The following OGFOD3 variants were observed in gnomAD, a reference collection of about 807,000 sequenced individuals.
OGFOD3 encodes 2-oxoglutarate and iron dependent oxygenase domain containing 3, also known as 2-oxoglutarate and iron-dependent oxygenase domain-containing protein 3.
Under a neutral mutation model 39.8 loss-of-function variants are expected in OGFOD3, and 35 were observed. The ratio of observed to expected loss-of-function variants is 0.88; its 90% CI spans 0.67 to 1.17. OGFOD3 has a LOEUF of 1.17. Ranked by LOEUF, OGFOD3 falls within the 50% of genes most tolerant of loss-of-function variation. The pLI is 0.00. For missense variants in OGFOD3, 438 were observed against 454.5 expected (o/e 0.96, Z 0.33); for synonymous variants, 200 against 192.0 (o/e 1.04, Z -0.34).
In OGFOD3 at chr17:82,418,489, A is replaced by G; in HGVS notation, c.-4T>C. On this transcript the variant is annotated 5_prime_UTR_variant, in exon 1 of 9. Coordinates refer to ENST00000313056, the MANE Select transcript of OGFOD3 (RefSeq NM_024648.3). ...CGGCCCTCCGCTGAGGAGCCATCGG[A>G]CCAGGCCGCCGCGGAGCCGGGCCGG... 1 of 1,408,474 alleles carries G rather than the reference A, an allele frequency of 7.1e-7. No homozygotes were observed. Among genetic ancestry groups the G allele is most frequent in the South Asian group, 1.4e-5 (1 of 69,496 alleles). 87.2% of individuals were successfully genotyped at this position (1,408,474 alleles called of 1,614,324 possible). A position where few individuals can be genotyped will look rare whatever the true frequency, so the allele number is the denominator to read the frequency against.
At chr17:82,394,245 C>A in intron 8 of OGFOD3, 1 of 1,119,674 alleles carries the variant, frequency 8.9e-7, no homozygotes, top group Non-Finnish European at 1.3e-6. Flanking sequence ...CCGTCTTGGC[C>A]TCCCAAAGTG....
In OGFOD3 at chr17:82,403,692, T is replaced by C. The variant is rs545265126; in HGVS notation, c.699+245A>G. Reference sequence around the variant, plus strand: ...GATGCTGCAAAAGACAGCCCTGTGGTAGGTAGCCCCAGGCCACGGGAGAAC... The same window carrying C: ...GATGCTGCAAAAGACAGCCCTGTGGCAGGTAGCCCCAGGCCACGGGAGAAC... On this transcript the variant is annotated intron_variant, in intron 7 of 8. Coordinates refer to ENST00000313056, the MANE Select transcript of OGFOD3 (RefSeq NM_024648.3). 3.6e-4 allele frequency among the ~76,000 whole-genome samples: 55 copies of C among 152,234 alleles called. 1 individual carries two copies. The highest frequency in any genetic ancestry group is 1.3e-3 in the African/African-American group (54 of 41,548).
At position 82,392,339 on chromosome 17, in the gene OGFOD3, C is replaced by G; in HGVS notation, c.*59G>C. Reference sequence around the variant, plus strand: ...GCGGGTGGACGTGGGGGTGGGTGCACGACTGGCGCGGCTGCCTCCACACGG... The same window carrying G: ...GCGGGTGGACGTGGGGGTGGGTGCAGGACTGGCGCGGCTGCCTCCACACGG... On this transcript the variant is annotated 3_prime_UTR_variant, in exon 9 of 9. Coordinates refer to ENST00000313056, the MANE Select transcript of OGFOD3 (RefSeq NM_024648.3). This position sits in a 1 kb window ranked among gnomAD's most constrained non-coding sequence, Gnocchi z 4.2. 6.4e-6 allele frequency: 10 copies of G among 1,567,570 alleles called. No individual in the cohort carries two copies. The highest frequency in any genetic ancestry group is 3.5e-5 in the South Asian group (3 of 85,070).
intron 1 of OGFOD3, chr17:82,417,159 G>A (rs2053070525): frequency 1.3e-5 from 2 of 152,162 alleles, no homozygotes; most frequent in African/African-American, 4.8e-5. Context: ...GAGAGATTTG[G>A]TTTTGGGAGA....
rs1395771082 is a variant in OGFOD3 at position 82,415,539 on chromosome 17, G to C, written c.163C>G (p.Leu55Val). 6.2e-7 allele frequency: 1 copy of C among 1,613,440 alleles called. No individual in the cohort carries two copies. The highest frequency in any genetic ancestry group is 1.1e-5 in the South Asian group (1 of 91,076). ...CTGCTCCAGAGCAGGAGTGCGGTGAGCACAAAGCCAGCCCCCAGGCCCGCG... is the reference window on the plus strand; with the variant it reads ...CTGCTCCAGAGCAGGAGTGCGGTGACCACAAAGCCAGCCCCCAGGCCCGCG... The part of the protein sequence containing the change: ...RTAGLGAGFV[L>V]TALLLWSSLG... The change falls in exon 2 of 9, where the codon CTC becomes GTC. Residue 55 changes from leucine (L) to valine (V), a missense_variant. Transcript: ENST00000313056. The surrounding 1 kb of genome is among the most constrained non-coding windows in gnomAD (Gnocchi z 5.3).
At position 82,392,365 on chromosome 17, in the gene OGFOD3, G is replaced by A. The variant is rs369035012; in HGVS notation, c.*33C>T. The A allele has an allele frequency of 3.8e-6, 6 of 1,598,750 alleles. No individual in the cohort carries two copies. Among genetic ancestry groups the A allele is most frequent in the Non-Finnish European group, 5.1e-6 (6 of 1,174,302 alleles). On this transcript the variant is annotated 3_prime_UTR_variant, in exon 9 of 9. Coordinates refer to ENST00000313056, the MANE Select transcript of OGFOD3 (RefSeq NM_024648.3). This position sits in a 1 kb window ranked among gnomAD's most constrained non-coding sequence, Gnocchi z 4.2. ...GACTGGCGCGGCTGCCTCCACACGG[G>A]CCCTCCTGAAGTTACCTTGGCCCGG...
chr17:82,412,129 C>T (rs1344590251), intron 2 of OGFOD3, among the ~76,000 whole-genome samples: 3 of 151,456 alleles, frequency 2.0e-5, no homozygotes, highest in African/African-American at 7.3e-5. Context: ...CTCCTGAGAC[C>T]ACCAGAGTGG....
chr17:82,395,991 A>G lies in OGFOD3; in HGVS notation c.823+2205T>C, dbSNP rs368944882. Among the ~76,000 whole-genome samples the G allele has an allele frequency of 1.1e-4, 17 of 152,334 alleles. No individual in the cohort carries two copies. In the East Asian group the frequency reaches 2.7e-3, roughly 24 times the overall value. On this transcript the variant is annotated intron_variant, in intron 8 of 8. Coordinates refer to ENST00000313056, the MANE Select transcript of OGFOD3 (RefSeq NM_024648.3). ...AGACAGATGTATGACATCAAATCAC[A>G]GGTAAACACATAGATACACACAATT...
intron 8 of OGFOD3, among the ~76,000 whole-genome samples, chr17:82,394,143 C>T (rs958285910): frequency 1.3e-5 from 2 of 152,036 alleles, no homozygotes; most frequent in South Asian, 2.1e-4. Context: ...GCGCCCGCCA[C>T]CACGCCCAGC....
At position 82,406,794 on chromosome 17, in the gene OGFOD3, G is replaced by A. The variant is rs566865152; in HGVS notation, c.424-312C>T. 2.0e-5 allele frequency among the ~76,000 whole-genome samples: 3 copies of A among 152,102 alleles called. No individual in the cohort carries two copies. The highest frequency in any genetic ancestry group is 2.9e-5 in the Non-Finnish European group (2 of 68,024). The stretch of plus-strand genomic sequence containing the variant: ...TTTTTCTATTTTTTGTAGAGATGTG[G>A]TCTCACTATATTACCTAGGCTGGTC... On this transcript the variant is annotated intron_variant, in intron 4 of 8. Transcript: ENST00000313056. This position sits in a 1 kb window ranked among gnomAD's most constrained non-coding sequence, Gnocchi z 5.2.
At chr17:82,411,413 G>A (rs756003818) in intron 3 of OGFOD3, 42 bp downstream of exon 3, 1 of 1,567,098 alleles carries the variant, frequency 6.4e-7, no homozygotes, top group Admixed American at 1.7e-5. Flanking sequence ...CACTCCGCGT[G>A]TGTTTGTTTG....
intron 8 of OGFOD3, chr17:82,393,244 T>C (rs1482927843): frequency 6.6e-6 from 1 of 152,256 alleles, no homozygotes; most frequent in African/African-American, 2.4e-5. Context: ...GCAAGGGGCG[T>C]TGAGACTCAG....
chr17:82,413,699 C>T (rs1347368231), intron 2 of OGFOD3, among the ~76,000 whole-genome samples: 4 of 151,966 alleles, frequency 2.6e-5, no homozygotes, highest in South Asian at 2.1e-4. Context: ...GGCAAAACAC[C>T]GTCTCTACTA....
At chr17:82,395,074 GA>G (rs1429414721) in intron 8 of OGFOD3, among the ~76,000 whole-genome samples, 1 of 152,150 alleles carries the variant, frequency 6.6e-6, no homozygotes, top group Non-Finnish European at 1.5e-5. Context: ...TCTCAGGCTG[GA>G]ATGCAGTATG....
chr17:82,415,512 A>G lies in OGFOD3; in HGVS notation c.190T>C (p.Leu64=), dbSNP rs372876514. 4 of 1,613,492 alleles carry G rather than the reference A, an allele frequency of 2.5e-6. No homozygotes were observed. Among genetic ancestry groups the G allele is most frequent in the Non-Finnish European group, 3.4e-6 (4 of 1,179,938 alleles). ...VLTALLLWSS[L]GADDGVAEVL... ...TCTGCGACCCCGTCGTCGGCCCCCA[A>G]GCTGCTCCAGAGCAGGAGTGCGGTG... The change falls in exon 2 of 9, where the codon TTG becomes CTG. Residue 64 remains leucine, a synonymous_variant. Coordinates refer to ENST00000313056, the MANE Select transcript of OGFOD3 (RefSeq NM_024648.3). This position sits in a 1 kb window ranked among gnomAD's most constrained non-coding sequence, Gnocchi z 5.3.
chr17:82,415,377 A>G lies in OGFOD3; in HGVS notation c.304+21T>C. Reference sequence around the variant, plus strand: ...TTAACCACACTGAGTCTCATTTTAAAGTGTTGCTTTCCTGAACTACCTTCG... The same window carrying G: ...TTAACCACACTGAGTCTCATTTTAAGGTGTTGCTTTCCTGAACTACCTTCG... On this transcript the variant is annotated intron_variant, in intron 2 of 8. Transcript: ENST00000313056. The surrounding 1 kb of genome is among the most constrained non-coding windows in gnomAD (Gnocchi z 5.3). The G allele has an allele frequency of 6.2e-7, 1 of 1,602,124 alleles. No individual in the cohort carries two copies. The highest frequency in any genetic ancestry group is 8.5e-7 in the Non-Finnish European group (1 of 1,170,250).
chr17:82,406,306 C>T lies in OGFOD3; in HGVS notation c.488+112G>A, dbSNP rs777450949. ...AGCCACTGAGGCCCTGAGGCTGCAC[C>T]GAGCCGGATCCTCCCTCACATGTCC... On this transcript the variant is annotated intron_variant, in intron 5 of 8. Coordinates refer to ENST00000313056, the MANE Select transcript of OGFOD3 (RefSeq NM_024648.3). The surrounding 1 kb of genome is among the most constrained non-coding windows in gnomAD (Gnocchi z 5.2). The T allele has an allele frequency of 1.4e-4, 134 of 991,386 alleles. No individual in the cohort carries two copies. Among genetic ancestry groups the T allele is most frequent in the Non-Finnish European group, 1.8e-4 (116 of 636,648 alleles). 61.4% of individuals were successfully genotyped at this position (991,386 alleles called of 1,614,324 possible).
chr17:82,405,477 A>G, intron 5 of OGFOD3, 97 bp from the exon 6 acceptor site: 1 of 1,030,864 alleles, frequency 9.7e-7, no homozygotes, highest in Non-Finnish European at 1.5e-6. Context: ...CTGAAAATCA[A>G]CTCACACATT....
chr17:82,399,287 C>T (rs1377951900), intron 7 of OGFOD3, among the ~76,000 whole-genome samples: 2 of 152,208 alleles, frequency 1.3e-5, no homozygotes, highest in Non-Finnish European at 2.9e-5. Context: ...TTGGAGCAGC[C>T]GTGTTCCAGC....
Sources: allele counts gnomAD v4.1 joint callset (sites outside exome capture counted in the v4.1 genomes callset), GRCh38; gene constraint gnomAD v4.1.1; non-coding constraint Gnocchi (gnomAD v3.1); transcripts MANE v1.5; gene names NCBI Gene and HGNC (gene_info 2026-07-23, HGNC 2026-07-21).